The following LRP5 variants were observed in gnomAD, a reference collection of about 807,000 sequenced individuals.
The protein encoded by LRP5 is LDL receptor related protein 5, also known as low-density lipoprotein receptor-related protein 5.
Under a neutral mutation model 154.1 loss-of-function variants are expected in LRP5, and 62 were observed. That is an observed-to-expected ratio of 0.40 (90% CI 0.33 to 0.50). The LOEUF (loss-of-function observed/expected upper bound fraction) is 0.50, where lower values mean the gene tolerates loss of function less well. Ranked by LOEUF, LRP5 falls within the 20% of genes least tolerant of loss-of-function variation. The pLI, the probability that LRP5 is intolerant of heterozygous loss-of-function variation, is 0.55. For synonymous variants in LRP5, 966 were observed against 1,011.5 expected (o/e 0.96, Z 0.85); for missense variants, 1,915 against 2,336.7 (o/e 0.82, Z 3.72).
At chr11:68,371,745 G>A (rs2098634122) in intron 5 of LRP5, among the ~76,000 whole-genome samples, 1 of 152,254 alleles carries the variant, frequency 6.6e-6, no homozygotes, top group Admixed American at 6.5e-5. Context: ...AAATTCTGTC[G>A]CTTGTTGCAG....
intron 13 of LRP5, among the ~76,000 whole-genome samples, chr11:68,421,157 G>T (rs1286025268): frequency 6.6e-6 from 1 of 152,136 alleles, no homozygotes; most frequent in East Asian, 1.9e-4. Flanking sequence ...AACCCGGGAG[G>T]CGGAGCTTGC....
At chr11:68,390,397 A>T (rs2098645633) in intron 7 of LRP5, among the ~76,000 whole-genome samples, 1 of 152,222 alleles carries the variant, frequency 6.6e-6, no homozygotes. Flanking sequence ...TTACTGTGAG[A>T]TTTAAATTAT....
chr11:68,409,073 A>AATATATATATATATATATATAT (rs1174773377), intron 9 of LRP5, among the ~76,000 whole-genome samples: 5 of 44,162 alleles, frequency 1.1e-4, no homozygotes, highest in African/African-American at 3.9e-4. Context: ...AAAAAAAAAA[A>AATATATATATATATATATATAT]ATATATATAT....
intron 7 of LRP5, among the ~76,000 whole-genome samples, chr11:68,393,328 T>C (rs1317436985): frequency 6.6e-6 from 1 of 152,198 alleles, no homozygotes; most frequent in Non-Finnish European, 1.5e-5. Context: ...TTTGGATATA[T>C]GTGTAGGGGT....
At chr11:68,416,835 T>A (rs773880252) in intron 13 of LRP5, among the ~76,000 whole-genome samples, 5 of 152,210 alleles carry the variant, frequency 3.3e-5, no homozygotes, top group Admixed American at 6.5e-5. Context: ...TAGTTGGTAC[T>A]GGTTAATCCA....
intron 7 of LRP5, 151 bp from the exon 8 acceptor site, chr11:68,403,332 T>A (rs1454660992): frequency 1.5e-6 from 1 of 685,816 alleles, no homozygotes; most frequent in Non-Finnish European, 2.7e-6. Context: ...ACCTGGTGTT[T>A]TATGGTACCT....
At chr11:68,326,473 TC>T (rs989222873) in intron 1 of LRP5, among the ~76,000 whole-genome samples, 1 of 152,226 alleles carries the variant, frequency 6.6e-6, no homozygotes, top group Non-Finnish European at 1.5e-5. Flanking sequence ...ACCAGGTTCT[TC>T]CCCCTCTGCC....
chr11:68,328,135 C>T (rs2098600716), intron 1 of LRP5, among the ~76,000 whole-genome samples: 2 of 152,218 alleles, frequency 1.3e-5, no homozygotes, highest in South Asian at 4.1e-4. Context: ...TGTCCAGTTC[C>T]CTGGCATGGT....
chr11:68,350,796 G>A (rs190552192), intron 2 of LRP5, among the ~76,000 whole-genome samples: 119 of 152,382 alleles, frequency 7.8e-4, no homozygotes, highest in Non-Finnish European at 1.5e-3. Flanking sequence ...GACGAGCATG[G>A]GAAGGGCTGG....
chr11:68,428,476 G>T, intron 16 of LRP5, among the ~76,000 whole-genome samples: 1 of 152,116 alleles, frequency 6.6e-6, no homozygotes, highest in Non-Finnish European at 1.5e-5. Context: ...GGATCTATTT[G>T]TTGGCCCTTC....
At chr11:68,366,961 A>G (rs1053890420) in intron 5 of LRP5, among the ~76,000 whole-genome samples, 3 of 136,126 alleles carry the variant, frequency 2.2e-5, no homozygotes, top group African/African-American at 8.1e-5. Flanking sequence ...GTGCAGACAG[A>G]ATCCCGGGCC....
intron 8 of LRP5, chr11:68,404,236 A>G: frequency 2.0e-6 from 1 of 510,420 alleles, no homozygotes; most frequent in Non-Finnish European, 3.9e-6. Flanking sequence ...ACAGAGTTAC[A>G]CTGGAGAGAG....
chr11:68,344,682 T>G (rs1015579601), intron 1 of LRP5, among the ~76,000 whole-genome samples: 9 of 151,976 alleles, frequency 5.9e-5, no homozygotes, highest in Admixed American at 3.3e-4. Context: ...CTCCCTCCCC[T>G]AGTCCCTGGT....
chr11:68,400,083 A>G (rs1348345124), intron 7 of LRP5, among the ~76,000 whole-genome samples: 1 of 152,006 alleles, frequency 6.6e-6, no homozygotes, highest in Non-Finnish European at 1.5e-5. Context: ...CTGCCCATCC[A>G]GGAGATTCCG....
chr11:68,435,049 G>C (rs555050633), intron 18 of LRP5, among the ~76,000 whole-genome samples: 1 of 152,328 alleles, frequency 6.6e-6, no homozygotes, highest in South Asian at 2.1e-4. Flanking sequence ...AGTTTTCTTG[G>C]TGCACAGCCA....
At position 68,365,600 on chromosome 11, in the gene LRP5, G is replaced by A. The variant is rs377176311; in HGVS notation, c.913G>A (p.Gly305Ser). ...FHTRCEEDNG[G>S]CSHLCLLSPS... Reference sequence around the variant, plus strand: ...CACTCGCTGTGAGGAGGACAATGGCGGCTGCTCCCACCTGTGCCTGCTGTC... The same window carrying A: ...CACTCGCTGTGAGGAGGACAATGGCAGCTGCTCCCACCTGTGCCTGCTGTC... The change falls in exon 5 of 23, where the codon GGC becomes AGC. Residue 305 changes from glycine (G) to serine (S), a missense_variant. Coordinates refer to ENST00000294304, the MANE Select transcript of LRP5 (RefSeq NM_002335.4). The A allele has an allele frequency of 9.9e-6, 16 of 1,613,900 alleles. No individual in the cohort carries two copies. Among genetic ancestry groups the A allele is most frequent in the Non-Finnish European group, 1.3e-5 (15 of 1,179,996 alleles).
At chr11:68,446,178 G>A (rs943150250) in intron 21 of LRP5, among the ~76,000 whole-genome samples, 5 of 152,228 alleles carry the variant, frequency 3.3e-5, no homozygotes, top group African/African-American at 1.2e-4. Flanking sequence ...TGGTCACAAG[G>A]CAGGTACTTG....
intron 2 of LRP5, among the ~76,000 whole-genome samples, chr11:68,355,155 C>T (rs1008425678): frequency 3.9e-5 from 6 of 152,122 alleles, no homozygotes; most frequent in Admixed American, 6.5e-5. Context: ...CTGCAGAGCA[C>T]CATGGTGGGG....
At chr11:68,403,795 G>A (rs1182755047) in intron 8 of LRP5, 96 bp downstream of exon 8, 4 of 1,473,542 alleles carry the variant, frequency 2.7e-6, no homozygotes, top group Non-Finnish European at 3.7e-6. Flanking sequence ...TTGAGCTCAG[G>A]TGCCCCGACC....
Sources: allele counts gnomAD v4.1 joint callset (sites outside exome capture counted in the v4.1 genomes callset), GRCh38; gene constraint gnomAD v4.1.1; transcripts MANE v1.5; gene names NCBI Gene and HGNC (gene_info 2026-07-23, HGNC 2026-07-21).